The following DRICH1 variants were observed in gnomAD, a reference collection of about 807,000 sequenced individuals.
The protein encoded by DRICH1 is aspartate rich 1.
Under a neutral mutation model 39.5 loss-of-function variants are expected in DRICH1, and 38 were observed. That is an observed-to-expected ratio of 0.96 (90% CI 0.74 to 1.26). The LOEUF (loss-of-function observed/expected upper bound fraction) is 1.26. DRICH1 is among the 50% of genes most tolerant of loss of function. DRICH1 has a pLI of 0.00. For synonymous variants in DRICH1, 84 were observed against 99.5 expected (o/e 0.84, Z 0.93); for missense variants, 279 against 270.4 (o/e 1.03, Z -0.22).
intron 11 of DRICH1, 149 bp downstream of exon 11, chr22:23,613,140 A>C (rs1283531280): frequency 3.0e-6 from 2 of 674,454 alleles, no homozygotes; most frequent in East Asian, 5.3e-5. Context: ...AGAAACTCTG[A>C]AAACAACAAG....
intron 1 of DRICH1, among the ~76,000 whole-genome samples, chr22:23,629,560 T>G (rs1385428132): frequency 6.6e-6 from 1 of 152,194 alleles, no homozygotes; most frequent in African/African-American, 2.4e-5. Flanking sequence ...TGTCCTGAGT[T>G]CTGACGTGGC....
chr22:23,614,417 C>T (rs1313399364), intron 8 of DRICH1, among the ~76,000 whole-genome samples: 1 of 152,176 alleles, frequency 6.6e-6, no homozygotes, highest in Non-Finnish European at 1.5e-5. Context: ...TGGCCTTGTA[C>T]TAGAGGCATC....
At chr22:23,606,219 A>G (rs994303097), downstream of DRICH1, among the ~76,000 whole-genome samples, 1 of 152,018 alleles carries the variant, frequency 6.6e-6, no homozygotes, top group Non-Finnish European at 1.5e-5. Context: ...TCTCCTCCAC[A>G]GGCCTCCACA....
the DRICH1 span, among the ~76,000 whole-genome samples, chr22:23,594,095 A>G: frequency 6.6e-6 from 1 of 152,224 alleles, no homozygotes; most frequent in African/African-American, 2.4e-5. Context: ...GAGAGGAAGG[A>G]ACAGAGATTA....
intron 1 of DRICH1, among the ~76,000 whole-genome samples, chr22:23,630,223 C>T (rs1292226647): frequency 6.6e-6 from 1 of 152,182 alleles, no homozygotes; most frequent in Non-Finnish European, 1.5e-5. Flanking sequence ...GTTTGGCACA[C>T]TTATAGGCCA....
At chr22:23,606,260 C>A (rs1253224463), downstream of DRICH1, among the ~76,000 whole-genome samples, 1 of 152,160 alleles carries the variant, frequency 6.6e-6, no homozygotes, top group East Asian at 1.9e-4. Context: ...CTTACCTGCC[C>A]CACAGGCTTT....
chr22:23,617,001 G>A, intron 7 of DRICH1, 127 bp from the exon 8 acceptor site: 1 of 1,083,750 alleles, frequency 9.2e-7, no homozygotes. Flanking sequence ...CAAGGTCAAA[G>A]ACCAAACATT....
rs776618018 is a variant in DRICH1, at chr22:23,626,005, A to G, written c.252T>C (p.Ser84=). The G allele has an allele frequency of 1.2e-5, 19 of 1,612,948 alleles. No homozygotes were observed. The highest frequency in any genetic ancestry group is 1.6e-5 in the Non-Finnish European group (19 of 1,179,586). ...DRLSLKFLPS[S]EEDNDDAKIL... ...CCTTGGCATCATCATTGTCTTCCTC[A>G]CTTGATGGCAGAAATTTTAAACTCA... The change falls in exon 2 of 12, where the codon AGT becomes AGC. Residue 84 remains serine, a synonymous_variant. Coordinates refer to ENST00000317749, the MANE Select transcript of DRICH1 (RefSeq NM_016449.4).
intron 9 of DRICH1, 109 bp downstream of exon 9, chr22:23,614,026 T>C (rs773243241): frequency 6.6e-5 from 50 of 757,402 alleles, no homozygotes; most frequent in Non-Finnish European, 9.4e-5. Flanking sequence ...GAGAATAGTG[T>C]ACAGTGTACA....
chr22:23,590,776 A>G, the DRICH1 span, among the ~76,000 whole-genome samples: 3 of 151,812 alleles, frequency 2.0e-5, no homozygotes, highest in Admixed American at 2.0e-4. Flanking sequence ...ATAAATATAG[A>G]TATCTATTTA....
At chr22:23,621,957 CAAAGAAAGGAAAGAAAATCTCACTTTTGT>C (rs2123784904) in intron 4 of DRICH1, 105 bp downstream of exon 4, 14 of 839,472 alleles carry the variant, frequency 1.7e-5, no homozygotes, top group Admixed American at 9.7e-5. Context: ...AAAAAAGAAA[CAAAGAAAGGAAAGAAAATCTCACTTTTGT>C]TGTTTATAGC....
At chr22:23,627,537 T>A (rs1190175747) in intron 1 of DRICH1, among the ~76,000 whole-genome samples, 4 of 152,116 alleles carry the variant, frequency 2.6e-5, no homozygotes, top group Non-Finnish European at 5.9e-5. Context: ...TCCTACCATA[T>A]GTTTATGGTT....
chr22:23,589,057 A>T, the DRICH1 span, among the ~76,000 whole-genome samples: 1 of 150,954 alleles, frequency 6.6e-6, no homozygotes, highest in African/African-American at 2.4e-5. Context: ...CACTTCATCC[A>T]TCTTCAGGTG....
the DRICH1 span, among the ~76,000 whole-genome samples, chr22:23,602,731 G>A: frequency 3.9e-5 from 6 of 151,904 alleles, no homozygotes; most frequent in Non-Finnish European, 8.8e-5. Flanking sequence ...GAAATATTCT[G>A]TATTTCAATT....
At chr22:23,611,990 T>A (rs1247251613) in intron 11 of DRICH1, among the ~76,000 whole-genome samples, 3 of 152,224 alleles carry the variant, frequency 2.0e-5, no homozygotes, top group Non-Finnish European at 2.9e-5. Context: ...GCTACTCACA[T>A]ATGCTGTTAG....
chr22:23,586,697 C>T, the DRICH1 span, among the ~76,000 whole-genome samples: 1 of 152,150 alleles, frequency 6.6e-6, no homozygotes, highest in East Asian at 1.9e-4. Context: ...GCACATACCA[C>T]CATGCCCGGC....
At chr22:23,598,675 C>T in the DRICH1 span, among the ~76,000 whole-genome samples, 17 of 152,192 alleles carry the variant, frequency 1.1e-4, no homozygotes, top group South Asian at 2.5e-3. Flanking sequence ...AGCCCTGACT[C>T]GGCCTTACTC....
intron 1 of DRICH1, among the ~76,000 whole-genome samples, chr22:23,628,933 C>T (rs1928234380): frequency 6.6e-6 from 1 of 152,226 alleles, no homozygotes; most frequent in African/African-American, 2.4e-5. Flanking sequence ...ATGCTCTCGG[C>T]AGACAGGAAG....
the DRICH1 span, among the ~76,000 whole-genome samples, chr22:23,601,154 A>G: frequency 5.5e-4 from 84 of 151,896 alleles, 2 homozygotes; most frequent in South Asian, 0.016. Context: ...GCGCACACAC[A>G]CACACACACA....
Sources: allele counts gnomAD v4.1 joint callset (sites outside exome capture counted in the v4.1 genomes callset), GRCh38; gene constraint gnomAD v4.1.1; transcripts MANE v1.5; gene names NCBI Gene and HGNC (gene_info 2026-07-23, HGNC 2026-07-21).